Variants in CAPZA1 observed in about 807,000 individuals in gnomAD.
CAPZA1 encodes the protein capping actin protein of muscle Z-line subunit alpha 1.
Under a neutral mutation model 40.8 loss-of-function variants are expected in CAPZA1, and 10 were observed. That is an observed-to-expected ratio of 0.25 (90% CI 0.15 to 0.42). The LOEUF is 0.42. CAPZA1 is among the 10% of genes least tolerant of loss of function. CAPZA1 has a pLI of 1.00. For missense variants in CAPZA1, 277 were observed against 353.8 expected (o/e 0.78, Z 1.74); for synonymous variants, 98 against 115.0 (o/e 0.85, Z 0.95).
At chr1:112,653,722 AC>A in intron 4 of CAPZA1, 61 bp downstream of exon 4, 1 of 1,128,044 alleles carries the variant, frequency 8.9e-7, no homozygotes, top group Non-Finnish European at 1.3e-6. Context: ...ATTAATGGAA[AC>A]CAAAGCAGAT....
intron 5 of CAPZA1, 107 bp downstream of exon 5, chr1:112,654,778 C>T (rs1306942003): frequency 9.6e-6 from 6 of 625,822 alleles, no homozygotes; most frequent in Non-Finnish European, 1.6e-5. Context: ...TAGCCATGCT[C>T]TCTTCTCCTC....
At chr1:112,628,403 C>T (rs1670856670) in intron 1 of CAPZA1, among the ~76,000 whole-genome samples, 1 of 151,998 alleles carries the variant, frequency 6.6e-6, no homozygotes, top group South Asian at 2.1e-4. Flanking sequence ...TTTAGCTAGG[C>T]TTATGAAACT....
At chr1:112,644,006 G>T (rs1009746795) in intron 1 of CAPZA1, among the ~76,000 whole-genome samples, 5 of 150,830 alleles carry the variant, frequency 3.3e-5, no homozygotes, top group Non-Finnish European at 7.4e-5. Context: ...CACCATGCCC[G>T]GCTAAGTTTT....
chr1:112,660,763 GAGA>G (rs1291585906), intron 7 of CAPZA1, among the ~76,000 whole-genome samples: 4 of 151,568 alleles, frequency 2.6e-5, no homozygotes, highest in Non-Finnish European at 4.4e-5. Flanking sequence ...ACAGGTAACC[GAGA>G]AGATCAGTAC....
intron 5 of CAPZA1, among the ~76,000 whole-genome samples, chr1:112,654,960 CT>C (rs987571607): frequency 6.6e-6 from 1 of 151,498 alleles, no homozygotes; most frequent in Non-Finnish European, 1.5e-5. Flanking sequence ...TTTGGTTTTT[CT>C]TTTTTTCTTT....
intron 1 of CAPZA1, among the ~76,000 whole-genome samples, chr1:112,632,983 A>G (rs781489538): frequency 2.6e-5 from 4 of 152,254 alleles, no homozygotes; most frequent in Non-Finnish European, 4.4e-5. Flanking sequence ...ATGATAAACT[A>G]TATACATCTA....
intron 2 of CAPZA1, among the ~76,000 whole-genome samples, chr1:112,648,354 T>C (rs1007815761): frequency 4.0e-4 from 58 of 145,618 alleles, no homozygotes; most frequent in African/African-American, 1.1e-3. Flanking sequence ...TTTCTTTTTT[T>C]TTTTTTTTTT....
At chr1:112,630,533 C>T (rs906012403) in intron 1 of CAPZA1, among the ~76,000 whole-genome samples, 4 of 151,974 alleles carry the variant, frequency 2.6e-5, no homozygotes, top group East Asian at 1.9e-4. Context: ...TTAGTAGAGA[C>T]GGGGTTTCAC....
intron 1 of CAPZA1, among the ~76,000 whole-genome samples, chr1:112,640,666 C>T (rs372829016): frequency 4.6e-5 from 7 of 152,132 alleles, no homozygotes; most frequent in African/African-American, 1.7e-4. Flanking sequence ...GCCCGGCCGC[C>T]CCTGCTGGAA....
chr1:112,653,748 C>T, intron 4 of CAPZA1, 87 bp downstream of exon 4: 2 of 891,902 alleles, frequency 2.2e-6, no homozygotes, highest in South Asian at 3.0e-5. Flanking sequence ...GAACCAGGTG[C>T]TGAATAAATT....
rs150899284 is a variant in CAPZA1, at chr1:112,669,582, G to A, written c.697G>A (p.Glu233Lys). The change falls in exon 9 of 10, where the codon GAG becomes AAG. Residue 233 changes from glutamate (E) to lysine (K), a missense_variant. This residue lies in a region of CAPZA1 where 192 missense variants were observed against 277.2 expected (regional missense o/e 0.69). Transcript: ENST00000263168. ...TGCCAAGGAGTTTATTAAAATCATA[G>A]AGAATGCAGAAAATGAGTATCAGGT... ...QTAKEFIKII[E>K]NAENEYQTAI... 5.0e-6 allele frequency: 8 copies of A among 1,608,376 alleles called. No homozygotes were observed. In the African/African-American group the frequency reaches 8.0e-5, roughly 16 times the overall value.
intron 7 of CAPZA1, among the ~76,000 whole-genome samples, chr1:112,663,264 C>A (rs1391377692): frequency 6.6e-6 from 1 of 151,642 alleles, no homozygotes; most frequent in Non-Finnish European, 1.5e-5. Flanking sequence ...GCACCCGGCT[C>A]ATTCCCCTTT....
At position 112,670,374 on chromosome 1, in the gene CAPZA1, T is replaced by TTC. The variant is rs1671806697; in HGVS notation, c.*243_*244insCT. 1 of 418,938 alleles carries TTC rather than the reference T, an allele frequency of 2.4e-6. No individual in the cohort carries two copies. The highest frequency in any genetic ancestry group is 2.2e-5 in the African/African-American group (1 of 46,120). 26.0% of individuals were successfully genotyped at this position (418,938 alleles called of 1,614,324 possible). ...TAAATCTTTTTTTCTTTTTTTTTTT[T>TTC]TTTTTTTGGTTAATTCTGCCACATT... On this transcript the variant is annotated 3_prime_UTR_variant, in exon 10 of 10. Transcript: ENST00000263168.
chr1:112,640,344 G>T (rs1168962297), intron 1 of CAPZA1, among the ~76,000 whole-genome samples: 6 of 111,262 alleles, frequency 5.4e-5, no homozygotes, highest in Non-Finnish European at 1.8e-5. Context: ...CCGGCCAGCC[G>T]CCCCGTCCGG....
chr1:112,658,992 T>C, intron 5 of CAPZA1, 30 bp from the exon 6 acceptor site: 1 of 1,491,484 alleles, frequency 6.7e-7, no homozygotes, highest in Non-Finnish European at 9.4e-7. Flanking sequence ...GTGTTTGGAG[T>C]CTTTAACTAT....
intron 7 of CAPZA1, among the ~76,000 whole-genome samples, chr1:112,661,153 A>G (rs923954111): frequency 1.3e-5 from 2 of 152,194 alleles, no homozygotes; most frequent in Admixed American, 6.5e-5. Flanking sequence ...AATCAAGTGC[A>G]TAGGTAATAA....
rs546058958 is a variant in CAPZA1, at chr1:112,632,805, T to A, written c.39+12922T>A. 2.6e-5 allele frequency among the ~76,000 whole-genome samples: 4 copies of A among 152,352 alleles called. No individual in the cohort carries two copies. In the East Asian group the frequency reaches 7.7e-4, roughly 29 times the overall value. ...CCTACCTACTTATGTCTAATAAAACTCTTAATTGGCTACTAATAGAGAAAA... is the reference window on the plus strand; with the variant it reads ...CCTACCTACTTATGTCTAATAAAACACTTAATTGGCTACTAATAGAGAAAA... On this transcript the variant is annotated intron_variant, in intron 1 of 9. Coordinates refer to ENST00000263168, the MANE Select transcript of CAPZA1 (RefSeq NM_006135.3).
chr1:112,627,589 G>C (rs1247993676), intron 1 of CAPZA1, among the ~76,000 whole-genome samples: 1 of 127,684 alleles, frequency 7.8e-6, no homozygotes, highest in East Asian at 2.5e-4. Context: ...CCGAGATCAT[G>C]CCATTGCACT....
rs34641909 is a variant in CAPZA1, at chr1:112,648,963, CA to C, written c.104-442del. On this transcript the variant is annotated intron_variant, in intron 2 of 9. Transcript: ENST00000263168. ...AGGCGACAGGAGTGAGACTTCGTCT[CA>C]AAAAAAAAAAAAGGTGACTAGACTT... 4.0e-3 allele frequency among the ~76,000 whole-genome samples: 525 copies of C among 132,630 alleles called. 1 individual carries two copies. Among genetic ancestry groups the C allele is most frequent in the Middle Eastern group, 7.9e-3 (2 of 252 alleles). 87.0% of individuals were successfully genotyped at this position (132,630 alleles called of 152,430 possible).
Sources: allele counts gnomAD v4.1 joint callset (sites outside exome capture counted in the v4.1 genomes callset), GRCh38; gene constraint gnomAD v4.1.1; regional missense constraint gnomAD v4.1.1; transcripts MANE v1.5; gene names NCBI Gene and HGNC (gene_info 2026-07-23, HGNC 2026-07-21).